The following PRKCH variants were observed in gnomAD, a reference collection of about 807,000 sequenced individuals.
PRKCH encodes the protein protein kinase C eta.
A neutral mutation model predicts 82.5 loss-of-function variants in PRKCH; 28 were observed. The observed-to-expected ratio is 0.34, with a 90% CI of 0.25 to 0.47. PRKCH has a LOEUF of 0.47. Ranked by LOEUF, PRKCH falls within the 20% of genes least tolerant of loss-of-function variation. The pLI is 1.00. For synonymous variants in PRKCH, 322 were observed against 327.4 expected (o/e 0.98, Z 0.18); for missense variants, 705 against 881.8 (o/e 0.80, Z 2.54).
At chr14:61,298,050 T>A (rs548882013) in intron 1 of PRKCH, 99 of 152,256 alleles carry the variant, frequency 6.5e-4, no homozygotes, top group African/African-American at 2.4e-3. Context: ...CCAGACTTTG[T>A]CCCCTACATA....
At chr14:61,250,907 A>T (rs765792438) in intron 1 of PRKCH, among the ~76,000 whole-genome samples, 20 of 152,134 alleles carry the variant, frequency 1.3e-4, no homozygotes, top group African/African-American at 1.9e-4. Flanking sequence ...GCCATTTTTT[A>T]AAAAAAGGTC....
At chr14:61,481,299 A>G (rs1566906040) in intron 9 of PRKCH, among the ~76,000 whole-genome samples, 1 of 152,158 alleles carries the variant, frequency 6.6e-6, no homozygotes, top group Non-Finnish European at 1.5e-5. Flanking sequence ...AAGCCTGCGC[A>G]CCAGGCTCCA....
chr14:61,281,100 G>T, intron 1 of PRKCH: 1 of 1,476,566 alleles, frequency 6.8e-7, no homozygotes, highest in Non-Finnish European at 9.0e-7. Flanking sequence ...GAGTGAAGGC[G>T]GTGTTGTCGG....
At chr14:61,416,053 CT>C (rs71117815) in intron 2 of PRKCH, among the ~76,000 whole-genome samples, 1,506 of 94,132 alleles carry the variant, frequency 0.016, 8 homozygotes, top group African/African-American at 0.06. Context: ...CTTTTCTTTT[CT>C]TTTTTTTTTT....
intron 12 of PRKCH, among the ~76,000 whole-genome samples, chr14:61,542,768 G>A (rs575265389): frequency 5.9e-5 from 9 of 152,236 alleles, no homozygotes; most frequent in African/African-American, 1.4e-4. Context: ...GGTCCCATTA[G>A]GGACATAAGC....
chr14:61,389,960 T>A (rs2046650590), intron 1 of PRKCH, among the ~76,000 whole-genome samples: 1 of 151,992 alleles, frequency 6.6e-6, no homozygotes, highest in African/African-American at 2.4e-5. Flanking sequence ...ATGCCAGTCT[T>A]CCTCTTCAGA....
intron 1 of PRKCH, among the ~76,000 whole-genome samples, chr14:61,262,579 T>C (rs917396860): frequency 2.0e-5 from 3 of 152,160 alleles, no homozygotes; most frequent in Non-Finnish European, 4.4e-5. Context: ...CTTTTTGGGA[T>C]GATGGGAATA....
chr14:61,376,176 T>G (rs903260723), intron 1 of PRKCH, among the ~76,000 whole-genome samples: 6 of 152,208 alleles, frequency 3.9e-5, no homozygotes, highest in African/African-American at 1.4e-4. Context: ...TTACTTTTCC[T>G]TACTCAGAAG....
At chr14:61,292,771 CAA>C (rs33918460) in intron 1 of PRKCH, among the ~76,000 whole-genome samples, 2,957 of 69,436 alleles carry the variant, frequency 0.043, 67 homozygotes, top group East Asian at 0.17. Flanking sequence ...ACTCCATCTC[CAA>C]AAAAAAAAAA....
chr14:61,334,844 TG>T (rs1045231058), intron 1 of PRKCH, among the ~76,000 whole-genome samples: 5 of 152,050 alleles, frequency 3.3e-5, no homozygotes, highest in African/African-American at 1.2e-4. Context: ...ATGCTAGCTT[TG>T]GGTGCTTTTT....
chr14:61,503,954 GAATT>G (rs1437286941), intron 10 of PRKCH, among the ~76,000 whole-genome samples: 2 of 152,068 alleles, frequency 1.3e-5, no homozygotes, highest in Non-Finnish European at 2.9e-5. Context: ...TACTTTGCAA[GAATT>G]AATTCTCAAG....
chr14:61,310,332 C>T (rs2045512705), intron 1 of PRKCH, among the ~76,000 whole-genome samples: 1 of 152,226 alleles, frequency 6.6e-6, no homozygotes, highest in Admixed American at 6.5e-5. Context: ...TTCCAAGATA[C>T]AATGGGGGTA....
intron 1 of PRKCH, among the ~76,000 whole-genome samples, chr14:61,243,084 G>GA (rs11342939): frequency 6.6e-6 from 1 of 151,594 alleles, no homozygotes; most frequent in African/African-American, 2.4e-5. Context: ...GAAGGCTTCT[G>GA]AAAAAAAAAA....
intron 1 of PRKCH, among the ~76,000 whole-genome samples, chr14:61,245,253 A>G (rs2044869768): frequency 6.6e-6 from 1 of 152,228 alleles, no homozygotes; most frequent in Non-Finnish European, 1.5e-5. Flanking sequence ...AGCATGAGGC[A>G]AAAGAAGAGC....
At chr14:61,273,142 C>T (rs1007766404) in intron 1 of PRKCH, among the ~76,000 whole-genome samples, 35 of 152,188 alleles carry the variant, frequency 2.3e-4, no homozygotes, top group African/African-American at 7.9e-4. Context: ...GTTTTATGGC[C>T]CTTCTGTGGC....
At chr14:61,453,141 T>C in intron 6 of PRKCH, 85 bp from the exon 7 acceptor site, 1 of 1,525,592 alleles carries the variant, frequency 6.6e-7, no homozygotes. Context: ...TGTTATAATC[T>C]TTTAGGCTAT....
intron 9 of PRKCH, among the ~76,000 whole-genome samples, chr14:61,475,430 G>A (rs1445036493): frequency 6.6e-6 from 1 of 152,152 alleles, no homozygotes; most frequent in Non-Finnish European, 1.5e-5. Context: ...GACCACTAGG[G>A]GGTGCTCTAA....
chr14:61,530,788 T>C (rs2043036042), intron 12 of PRKCH, among the ~76,000 whole-genome samples, 193 bp downstream of exon 12: 1 of 152,240 alleles, frequency 6.6e-6, no homozygotes, highest in Non-Finnish European at 1.5e-5. Flanking sequence ...AGACCCTCTC[T>C]TATGCAGTAG....
intron 10 of PRKCH, among the ~76,000 whole-genome samples, chr14:61,487,589 C>T (rs115853122): frequency 0.011 from 1,632 of 152,140 alleles, 36 homozygotes; most frequent in African/African-American, 0.037. Context: ...CCGCTTGCCC[C>T]GAAGAGAGAC....
Sources: allele counts gnomAD v4.1 joint callset (sites outside exome capture counted in the v4.1 genomes callset), GRCh38; gene constraint gnomAD v4.1.1; transcripts MANE v1.5; gene names NCBI Gene and HGNC (gene_info 2026-07-23, HGNC 2026-07-21).